Variants in ST6GALNAC3 observed in about 807,000 individuals in gnomAD.
The protein encoded by ST6GALNAC3 is ST6 N-acetylgalactosaminide alpha-2,6-sialyltransferase 3, also known as alpha-N-acetylgalactosaminide alpha-2,6-sialyltransferase 3.
A neutral mutation model predicts 32.7 loss-of-function variants in ST6GALNAC3; 25 were observed. That is an observed-to-expected ratio of 0.76 (90% CI 0.56 to 1.07). The LOEUF is 1.07. Among genes scored for constraint, ST6GALNAC3 ranks in the 50% least tolerant of loss-of-function variants. The pLI, the probability that ST6GALNAC3 is intolerant of heterozygous loss-of-function variation, is 0.00. For synonymous variants in ST6GALNAC3, 129 were observed against 133.1 expected, an observed-to-expected ratio of 0.97 and a Z score of 0.21; for missense variants, 355 against 382.4, an observed-to-expected ratio of 0.93 and a Z score of 0.60.
chr1:76,389,819 T>A (rs1372262637), intron 2 of ST6GALNAC3, among the ~76,000 whole-genome samples: 3 of 152,258 alleles, frequency 2.0e-5, no homozygotes, highest in Non-Finnish European at 4.4e-5. Context: ...AAGTCATATT[T>A]TGAGAAAATA....
chr1:76,521,811 G>A lies in ST6GALNAC3; in HGVS notation c.624-105641G>A, dbSNP rs987982159. Among the ~76,000 whole-genome samples the A allele has an allele frequency of 5.3e-5, 8 of 152,252 alleles. No homozygotes were observed. In the South Asian group the frequency reaches 8.3e-4, roughly 16 times the overall value. ...AGGCCAGGCGTGGTGGCTCACACCT[G>A]TAATCCTAGCACTTTGGGAGGCCGA... On this transcript the variant is annotated intron_variant, in intron 3 of 4. Coordinates refer to ENST00000328299, the MANE Select transcript of ST6GALNAC3 (RefSeq NM_152996.4).
At chr1:76,123,955 T>C (rs1293996507) in intron 1 of ST6GALNAC3, among the ~76,000 whole-genome samples, 1 of 152,016 alleles carries the variant, frequency 6.6e-6, no homozygotes, top group Non-Finnish European at 1.5e-5. Context: ...TTCACCATGC[T>C]GGCCAGGCTG....
chr1:76,377,831 A>T (rs957668360), intron 2 of ST6GALNAC3, among the ~76,000 whole-genome samples: 1 of 152,204 alleles, frequency 6.6e-6, no homozygotes, highest in Non-Finnish European at 1.5e-5. Flanking sequence ...GTCATGTCTG[A>T]CACATAGACA....
chr1:76,358,871 C>CTCTTCTCT (rs918496854), intron 2 of ST6GALNAC3, among the ~76,000 whole-genome samples: 2 of 152,168 alleles, frequency 1.3e-5, no homozygotes, highest in Admixed American at 6.5e-5. Flanking sequence ...GTCTGGGATG[C>CTCTTCTCT]TCTTCTCTTC....
At chr1:76,410,897 T>C (rs892132605) in intron 2 of ST6GALNAC3, among the ~76,000 whole-genome samples, 62 of 152,270 alleles carry the variant, frequency 4.1e-4, no homozygotes, top group African/African-American at 1.4e-3. Flanking sequence ...TAGTTTACTG[T>C]CTAGTGGACA....
chr1:76,186,526 G>A (rs558017417), intron 1 of ST6GALNAC3, among the ~76,000 whole-genome samples: 1 of 152,272 alleles, frequency 6.6e-6, no homozygotes, highest in African/African-American at 2.4e-5. Context: ...TTAGTGGGGT[G>A]TCCAAGCTTG....
intron 1 of ST6GALNAC3, among the ~76,000 whole-genome samples, chr1:76,255,903 A>G (rs1442486175): frequency 1.3e-5 from 2 of 152,098 alleles, no homozygotes; most frequent in Non-Finnish European, 2.9e-5. Flanking sequence ...TAAAATAAAG[A>G]TCAAATACAT....
At chr1:76,203,836 T>C (rs66803626) in intron 1 of ST6GALNAC3, among the ~76,000 whole-genome samples, 12,773 of 152,238 alleles carry the variant, frequency 0.084, 588 homozygotes, top group African/African-American at 0.12. Context: ...ATCAGTGTAA[T>C]TGGGGTATCC....
chr1:76,443,654 T>C (rs1656769817), intron 3 of ST6GALNAC3, among the ~76,000 whole-genome samples: 1 of 152,216 alleles, frequency 6.6e-6, no homozygotes, highest in Admixed American at 6.5e-5. Context: ...TTGGCTAAAG[T>C]GTGAAGGAGA....
At chr1:76,574,338 A>C (rs1219119610) in intron 3 of ST6GALNAC3, among the ~76,000 whole-genome samples, 1 of 152,068 alleles carries the variant, frequency 6.6e-6, no homozygotes, top group African/African-American at 2.4e-5. Flanking sequence ...TTAAGTCTGC[A>C]TGTAGAATTT....
chr1:76,111,027 A>C (rs748999836), intron 1 of ST6GALNAC3, among the ~76,000 whole-genome samples: 18 of 152,236 alleles, frequency 1.2e-4, no homozygotes, highest in Non-Finnish European at 1.9e-4. Context: ...AGATGGCAGA[A>C]GACTGGATGC....
chr1:76,173,255 A>G (rs908699920), intron 1 of ST6GALNAC3, among the ~76,000 whole-genome samples: 1 of 152,220 alleles, frequency 6.6e-6, no homozygotes, highest in African/African-American at 2.4e-5. Flanking sequence ...TATTCAGTAA[A>G]TGGTGCTGGG....
At chr1:76,582,678 T>A (rs552196306) in intron 3 of ST6GALNAC3, among the ~76,000 whole-genome samples, 2 of 152,180 alleles carry the variant, frequency 1.3e-5, no homozygotes, top group African/African-American at 2.4e-5. Flanking sequence ...GTATTAAGTA[T>A]TAAAAATATT....
chr1:76,506,202 G>A (rs568167243), intron 3 of ST6GALNAC3, among the ~76,000 whole-genome samples: 2 of 152,248 alleles, frequency 1.3e-5, no homozygotes, highest in East Asian at 1.9e-4. Context: ...TGATGTCTAC[G>A]TGGTGCAGGG....
intron 3 of ST6GALNAC3, among the ~76,000 whole-genome samples, chr1:76,583,234 T>A (rs939386305): frequency 2.6e-5 from 4 of 152,168 alleles, no homozygotes; most frequent in Non-Finnish European, 5.9e-5. Context: ...TATGTACCCC[T>A]CAGGAGCCTT....
intron 2 of ST6GALNAC3, among the ~76,000 whole-genome samples, chr1:76,358,618 C>T (rs1384050468): frequency 2.6e-5 from 4 of 152,140 alleles, no homozygotes; most frequent in Admixed American, 6.5e-5. Flanking sequence ...TTGCCTCCTC[C>T]ACTCTGTTCT....
chr1:76,177,585 G>T (rs1652928580), intron 1 of ST6GALNAC3, among the ~76,000 whole-genome samples: 1 of 152,074 alleles, frequency 6.6e-6, no homozygotes, highest in African/African-American at 2.4e-5. Context: ...CTTCCCATCC[G>T]TGCCTTCCCT....
At chr1:76,467,833 A>T (rs1190090287) in intron 3 of ST6GALNAC3, among the ~76,000 whole-genome samples, 1 of 145,348 alleles carries the variant, frequency 6.9e-6, no homozygotes, top group East Asian at 1.9e-4. Context: ...GAAATAATTT[A>T]AAAAGTGGCA....
chr1:76,276,887 A>G (rs761990972), intron 1 of ST6GALNAC3, among the ~76,000 whole-genome samples: 1 of 152,182 alleles, frequency 6.6e-6, no homozygotes, highest in East Asian at 1.9e-4. Context: ...TTACAGTTCA[A>G]TTTACCATTT....
Sources: gnomAD v4.1 joint callset for allele counts (sites outside exome capture counted in the v4.1 genomes callset) on GRCh38, gnomAD v4.1.1 for gene constraint, MANE v1.5 for transcripts, NCBI Gene and HGNC (gene_info 2026-07-23, HGNC 2026-07-21) for gene names.